SYNM: variants seen among roughly 807,000 people sequenced by gnomAD.
SYNM encodes the protein synemin.
A neutral mutation model predicts 104.0 loss-of-function variants in SYNM; 95 were observed. That is an observed-to-expected ratio of 0.91 (90% CI 0.77 to 1.08). The LOEUF is 1.08. Among genes scored for constraint, SYNM ranks in the 50% least tolerant of loss-of-function variants. The pLI is 0.00. For synonymous variants in SYNM, 918 were observed against 869.0 expected (o/e 1.06, Z -0.99); for missense variants, 2,150 against 2,052.2 (o/e 1.05, Z -0.92).
chr15:99,124,830 C>T (rs146090550), intron 2 of SYNM, among the ~76,000 whole-genome samples: 139 of 152,264 alleles, frequency 9.1e-4, no homozygotes, highest in African/African-American at 3.3e-3. Context: ...GTGGCTTCGA[C>T]GGTGTAAGTA....
At chr15:99,118,146 T>C (rs1158480660) in intron 2 of SYNM, among the ~76,000 whole-genome samples, 1 of 150,432 alleles carries the variant, frequency 6.6e-6, no homozygotes, top group African/African-American at 2.5e-5. Context: ...GAGATGCCCG[T>C]TGACGAAGAA....
chr15:99,112,675 C>A (rs1033054882), intron 1 of SYNM, among the ~76,000 whole-genome samples: 8 of 152,164 alleles, frequency 5.3e-5, no homozygotes, highest in Non-Finnish European at 7.4e-5. Context: ...TTACTAGCTG[C>A]ACTGTGCAAT....
chr15:99,118,230 G>A (rs1320051872), intron 2 of SYNM, among the ~76,000 whole-genome samples: 1 of 152,226 alleles, frequency 6.6e-6, no homozygotes, highest in African/African-American at 2.4e-5. Context: ...AATCACCAGT[G>A]CATGTCTGGA....
At chr15:99,125,888 G>A (rs4573918) in intron 2 of SYNM, among the ~76,000 whole-genome samples, 118,618 of 152,158 alleles carry the variant, frequency 0.78, 46,496 homozygotes, top group African/African-American at 0.86. Flanking sequence ...TAAGCCCCTC[G>A]CCAGCAGGCT....
At chr15:99,126,410 G>A (rs1204049454) in intron 2 of SYNM, among the ~76,000 whole-genome samples, 2 of 152,232 alleles carry the variant, frequency 1.3e-5, no homozygotes, top group African/African-American at 4.8e-5. Context: ...CTTTCTAGAA[G>A]GGCTTGGCTC....
intron 1 of SYNM, among the ~76,000 whole-genome samples, chr15:99,111,166 C>T (rs1366463383): frequency 6.6e-6 from 1 of 152,154 alleles, no homozygotes; most frequent in African/African-American, 2.4e-5. Flanking sequence ...CCTGCACACC[C>T]CTTCCACGTG....
downstream of SYNM, chr15:99,137,979 G>A (rs2067721601): frequency 1.9e-6 from 3 of 1,613,638 alleles, no homozygotes; most frequent in African/African-American, 2.7e-5. Flanking sequence ...CAGTGCCCAG[G>A]AATGTCCTAG....
At position 99,129,468 on chromosome 15, in the gene SYNM, C is replaced by T. The variant is rs1555485389; in HGVS notation, c.1108C>T (p.His370Tyr). Residue 370 changes from histidine (H) to tyrosine (Y), a missense_variant, in exon 4 of 4, where the codon CAC (histidine) becomes TAC (tyrosine). Physicochemically the swap from His to Tyr is moderately conservative, Grantham distance 83 (BLOSUM62 2). Transcript: ENST00000336292. ...RQKAPLASFNHSSALYSNLSG... is the reference protein window; with the variant it reads ...RQKAPLASFNYSSALYSNLSG... ...GAAAGCACCTTTGGCAAGTTTCAAT[C>T]ACAGCTCGGCACTGTATTCTAACCT... is the stretch of plus-strand genomic sequence containing the variant. The T allele has an allele frequency of 1.9e-6, 3 of 1,614,024 alleles. No homozygotes were observed. Among genetic ancestry groups the T allele is most frequent in the Middle Eastern group, 1.6e-4 (1 of 6,062 alleles).
In SYNM at chr15:99,129,981, G is replaced by A. The variant is rs1406077691; in HGVS notation, c.1621G>A (p.Glu541Lys). The A allele has an allele frequency of 1.2e-6, 2 of 1,612,366 alleles. No individual in the cohort carries two copies. Among genetic ancestry groups the A allele is most frequent in the Non-Finnish European group, 1.7e-6 (2 of 1,179,110 alleles). Residue 541 changes from glutamate to lysine, a missense_variant, in exon 4 of 4, where the codon GAA (glutamate) becomes AAA (lysine). Glu to Lys is a moderately conservative substitution (Grantham distance 56). Coordinates refer to ENST00000336292, the MANE Select transcript of SYNM (RefSeq NM_145728.3). ...ASEERNLRWE[E>K]LTKLDKEARQ... ...CGAGGAGAGAAACCTAAGATGGGAAGAATTGACAAAGTTAGATAAGGAAGC... is the reference window on the plus strand; with the variant it reads ...CGAGGAGAGAAACCTAAGATGGGAAAAATTGACAAAGTTAGATAAGGAAGC...
chr15:99,109,683 C>A (rs1555483209), intron 1 of SYNM, among the ~76,000 whole-genome samples: 1 of 152,206 alleles, frequency 6.6e-6, no homozygotes, highest in African/African-American at 2.4e-5. Flanking sequence ...CAGCTAACAG[C>A]CGTTGAGCAT....
chr15:99,129,573 T>A lies in SYNM; in HGVS notation c.1213T>A (p.Ser405Thr). 6.2e-7 allele frequency: 1 copy of A among 1,613,926 alleles called. No homozygotes were observed. The highest frequency in any genetic ancestry group is 1.1e-5 in the South Asian group (1 of 91,068). The stretch of plus-strand genomic sequence containing the variant: ...AGGCTTCTTGGGCTCGGGATATTCT[T>A]CCTCGGCCACTACCCAGCAGGAAAA... ...RRGFLGSGYSSSATTQQENSY... is the reference protein window; with the variant it reads ...RRGFLGSGYSTSATTQQENSY... The change falls in exon 4 of 4, where the codon TCC (serine) becomes ACC (threonine). Residue 405 changes from serine to threonine, a missense_variant. Transcript: ENST00000336292.
chr15:99,119,403 G>T (rs1182700674), intron 2 of SYNM, among the ~76,000 whole-genome samples: 1 of 152,210 alleles, frequency 6.6e-6, no homozygotes, highest in Non-Finnish European at 1.5e-5. Flanking sequence ...GGTGATTCGT[G>T]CGCACACTGC....
Position 99,132,664 on chromosome 15 carries a change from C to A in SYNM, c.4304C>A (p.Ser1435Tyr), listed in dbSNP as rs782330754. 1 of 1,614,004 alleles carries A rather than the reference C, an allele frequency of 6.2e-7. No individual in the cohort carries two copies. Among genetic ancestry groups the A allele is most frequent in the Non-Finnish European group, 8.5e-7 (1 of 1,179,904 alleles). Reference sequence around the variant, plus strand: ...TTTGTGCTTGCTGGTTCAGCGGACTCCCCTGAGCTAGGCAAGTTAGCAGAC... The same window carrying A: ...TTTGTGCTTGCTGGTTCAGCGGACTACCCTGAGCTAGGCAAGTTAGCAGAC... ...RTFVLAGSADSPELGKLADSS... is the reference protein window; with the variant it reads ...RTFVLAGSADYPELGKLADSS... Residue 1435 changes from serine to tyrosine, a missense_variant, in exon 4 of 4, where the codon TCC becomes TAC. Ser to Tyr is a moderately radical substitution (Grantham distance 144). Transcript: ENST00000336292.
chr15:99,118,632 AT>A (rs1183186886), intron 2 of SYNM, among the ~76,000 whole-genome samples: 26 of 152,236 alleles, frequency 1.7e-4, no homozygotes, highest in Non-Finnish European at 2.8e-4. Context: ...CATTAAAGTA[AT>A]CATAAAATAA....
chr15:99,139,060 G>C (rs1555488650), downstream of SYNM: 1 of 523,546 alleles, frequency 1.9e-6, no homozygotes, highest in Non-Finnish European at 3.5e-6. Flanking sequence ...AGGTGCCTTA[G>C]CCTGCAGGGG....
chr15:99,120,408 G>A (rs192923028), intron 2 of SYNM, among the ~76,000 whole-genome samples: 120 of 152,298 alleles, frequency 7.9e-4, no homozygotes, highest in Middle Eastern at 3.4e-3. Flanking sequence ...TCCAGGCAGA[G>A]GGAATGGCCA....
At chr15:99,115,438 A>G (rs1555483829) in intron 2 of SYNM, among the ~76,000 whole-genome samples, 1 of 135,684 alleles carries the variant, frequency 7.4e-6, no homozygotes, top group African/African-American at 2.8e-5. Context: ...ATTATTTTTT[A>G]TTTTAATTTT....
downstream of SYNM, chr15:99,136,264 A>G (rs2067587462): frequency 6.6e-6 from 1 of 152,302 alleles, no homozygotes; most frequent in Non-Finnish European, 1.5e-5. Context: ...AAATTTTAAA[A>G]ATGTGTTTTA....
At chr15:99,112,908 G>A (rs1444489585) in intron 1 of SYNM, among the ~76,000 whole-genome samples, 1 of 152,004 alleles carries the variant, frequency 6.6e-6, no homozygotes, top group African/African-American at 2.4e-5. Flanking sequence ...ACAGGGTTTT[G>A]CCATATTGGC....
Sources: allele counts gnomAD v4.1 joint callset (sites outside exome capture counted in the v4.1 genomes callset), GRCh38; gene constraint gnomAD v4.1.1; transcripts MANE v1.5; gene names NCBI Gene and HGNC (gene_info 2026-07-23, HGNC 2026-07-21).